The following DST variants were observed in gnomAD, a reference collection of about 807,000 sequenced individuals.
DST encodes dystonin.
DST carries 253 observed loss-of-function variants against 875.2 expected under a neutral mutation model. That is an observed-to-expected ratio of 0.29 (90% CI 0.26 to 0.32). The LOEUF (loss-of-function observed/expected upper bound fraction) is 0.32. Among genes scored for constraint, DST ranks in the 10% least tolerant of loss-of-function variants. DST has a pLI of 1.00. For synonymous variants in DST, 3,124 were observed against 3,197.1 expected, an observed-to-expected ratio of 0.98 and a Z score of 0.77; for missense variants, 8,287 against 9,111.6, an observed-to-expected ratio of 0.91 and a Z score of 3.68.
At chr6:56,878,263 C>G (rs967144458) in intron 3 of DST, among the ~76,000 whole-genome samples, 1 of 152,120 alleles carries the variant, frequency 6.6e-6, no homozygotes. Context: ...ATATCCTATG[C>G]CTTAAACCAA....
chr6:56,579,229 A>AT (rs1172443518), intron 49 of DST, among the ~76,000 whole-genome samples: 1 of 152,130 alleles, frequency 6.6e-6, no homozygotes, highest in East Asian at 1.9e-4. Flanking sequence ...CTCTAACTTT[A>AT]TACCCTTAAC....
intron 58 of DST, 62 bp from the exon 59 acceptor site, chr6:56,557,580 T>C (rs887374700): frequency 8.8e-6 from 11 of 1,248,802 alleles, no homozygotes; most frequent in Admixed American, 6.1e-5. Context: ...ACTATGTCTA[T>C]GAGGACTGTA....
At chr6:56,875,053 C>T (rs141227802) in intron 3 of DST, among the ~76,000 whole-genome samples, 18 of 152,232 alleles carry the variant, frequency 1.2e-4, no homozygotes, top group Non-Finnish European at 2.5e-4. Flanking sequence ...GCGCGATCTC[C>T]GCTCACTGCA....
At chr6:56,699,596 T>C in intron 9 of DST, 57 bp downstream of exon 9, 1 of 816,712 alleles carries the variant, frequency 1.2e-6, no homozygotes, top group Non-Finnish European at 2.0e-6. Flanking sequence ...TCACCCTTCA[T>C]AGGAACCACC....
Position 56,511,265 on chromosome 6 carries a change from T to C in DST, c.18712A>G (p.Ser6238Gly). 1 of 1,599,540 alleles carries C rather than the reference T, an allele frequency of 6.3e-7. No homozygotes were observed. The highest frequency in any genetic ancestry group is 8.5e-7 in the Non-Finnish European group (1 of 1,172,172). ...TTTTTGACATCTTCTTTAATTTGAC[T>C]GTAAAGGGTGTCGGCTGCCACATAC... is the stretch of plus-strand genomic sequence containing the variant. ...EKYVAADTLYSQIKEDVKKRA... is the reference protein window; with the variant it reads ...EKYVAADTLYGQIKEDVKKRA... The change falls in exon 73 of 104, where the codon AGT (serine) becomes GGT (glycine). Residue 6238 changes from serine (S) to glycine (G), a missense_variant. Physicochemically the swap from Ser to Gly is moderately conservative, Grantham distance 56. Transcript: ENST00000680361.
At chr6:56,727,105 C>G (rs990563699) in intron 5 of DST, among the ~76,000 whole-genome samples, 2 of 152,222 alleles carry the variant, frequency 1.3e-5, no homozygotes, top group African/African-American at 4.8e-5. Flanking sequence ...AAGTCACCCT[C>G]TGCTCACTGA....
chr6:56,502,213 C>T (rs1183943384), intron 78 of DST, among the ~76,000 whole-genome samples: 1 of 152,082 alleles, frequency 6.6e-6, no homozygotes, highest in Non-Finnish European at 1.5e-5. Context: ...GAATGCTATT[C>T]TCTCTCCTTC....
intron 10 of DST, among the ~76,000 whole-genome samples, chr6:56,669,726 C>T (rs2099090351): frequency 6.6e-6 from 1 of 152,132 alleles, no homozygotes; most frequent in South Asian, 2.1e-4. Context: ...AAGTCTGCCA[C>T]TCGCTGGCTG....
rs540894821 is a variant in DST, at chr6:56,760,963, C to T, written c.626-25674G>A. Among the ~76,000 whole-genome samples, 7 of 152,342 alleles carry T rather than the reference C, an allele frequency of 4.6e-5. No individual in the cohort carries two copies. The South Asian group carries it at 1.4e-3, about 32-fold the overall frequency. ...TCCCTTCAAGAGCTAATTCCAATCA[C>T]TGTGCATGTAGGGACACTAATTAAT... On this transcript the variant is annotated intron_variant, in intron 4 of 103. Coordinates refer to ENST00000680361, the MANE Select transcript of DST (RefSeq NM_001374736.1).
intron 9 of DST, among the ~76,000 whole-genome samples, chr6:56,677,207 T>C (rs957633222): frequency 2.6e-5 from 4 of 152,142 alleles, no homozygotes; most frequent in African/African-American, 9.7e-5. Flanking sequence ...TCATATCAAG[T>C]GCTTATCACA....
At chr6:56,843,615 G>A (rs2099803318) in intron 4 of DST, 1 of 984,126 alleles carries the variant, frequency 1.0e-6, no homozygotes, top group Non-Finnish European at 1.2e-6. Flanking sequence ...CCGGCGCGCT[G>A]CCTTCACCGG....
chr6:56,509,506 C>T (rs1282353212), intron 74 of DST, 136 bp downstream of exon 74: 1 of 658,070 alleles, frequency 1.5e-6, no homozygotes, highest in Non-Finnish European at 2.6e-6. Context: ...GCATACACAG[C>T]CCTTCAACCC....
chr6:56,723,740 C>T (rs1273976142), intron 5 of DST, among the ~76,000 whole-genome samples: 1 of 152,206 alleles, frequency 6.6e-6, no homozygotes, highest in Non-Finnish European at 1.5e-5. Context: ...AATAGATACT[C>T]TTTGACAAAA....
intron 43 of DST, among the ~76,000 whole-genome samples, chr6:56,602,393 G>A (rs2098454346): frequency 6.6e-6 from 1 of 151,856 alleles, no homozygotes; most frequent in South Asian, 2.1e-4. Flanking sequence ...TTGTAGCCTA[G>A]GAGCAACAGG....
intron 69 of DST, among the ~76,000 whole-genome samples, chr6:56,525,710 AATC>A (rs2096785367): frequency 1.3e-5 from 2 of 152,222 alleles, no homozygotes; most frequent in East Asian, 3.8e-4. Flanking sequence ...AACTAAAGTT[AATC>A]AACACATGTA....
intron 78 of DST, 74 bp downstream of exon 78, chr6:56,503,923 T>G: frequency 9.9e-7 from 1 of 1,012,738 alleles, no homozygotes; most frequent in Non-Finnish European, 1.4e-6. Context: ...TAAAATAAAT[T>G]TATGTACAAA....
intron 59 of DST, among the ~76,000 whole-genome samples, chr6:56,556,878 C>T (rs1445012684): frequency 6.6e-6 from 1 of 152,170 alleles, no homozygotes; most frequent in Non-Finnish European, 1.5e-5. Flanking sequence ...TCTCCTCCAT[C>T]AGGACTCAAA....
chr6:56,731,839 A>G (rs2099499857), intron 5 of DST, among the ~76,000 whole-genome samples: 1 of 152,194 alleles, frequency 6.6e-6, no homozygotes, highest in Non-Finnish European at 1.5e-5. Flanking sequence ...TTTATACATA[A>G]GTTGCAAGTT....
rs564930487 is a variant in DST, at chr6:56,488,998, T to C, written c.20877+492A>G. On this transcript the variant is annotated intron_variant, in intron 86 of 103. Coordinates refer to ENST00000680361, the MANE Select transcript of DST (RefSeq NM_001374736.1). ...ACCTTTGAGGTTGGGTGGAATTTTATACGTGCACAAACACAATAAAATATT... is the reference window on the plus strand; with the variant it reads ...ACCTTTGAGGTTGGGTGGAATTTTACACGTGCACAAACACAATAAAATATT... Among the ~76,000 whole-genome samples, 26 of 152,360 alleles carry C rather than the reference T, an allele frequency of 1.7e-4. No homozygotes were observed. In the East Asian group the frequency reaches 4.8e-3, roughly 28 times the overall value.
Sources: gnomAD v4.1 joint callset for allele counts (sites outside exome capture counted in the v4.1 genomes callset) on GRCh38, gnomAD v4.1.1 for gene constraint, MANE v1.5 for transcripts, NCBI Gene and HGNC (gene_info 2026-07-23, HGNC 2026-07-21) for gene names.